The following CAPN8 variants were observed in gnomAD, a reference collection of about 807,000 sequenced individuals.
CAPN8 encodes calpain 8, also known as calpain-8.
A neutral mutation model predicts 80.9 loss-of-function variants in CAPN8; 87 were observed. The observed-to-expected ratio is 1.07, with a 90% confidence interval of 0.90 to 1.28. The LOEUF (loss-of-function observed/expected upper bound fraction) is 1.28. Ranked by LOEUF, CAPN8 falls within the 50% of genes most tolerant of loss-of-function variation. The probability of loss-of-function intolerance (pLI) is 0.00; values close to 1 mark genes in which losing one functional copy is unlikely to be tolerated. For synonymous variants in CAPN8, 299 were observed against 273.8 expected (o/e 1.09, Z -0.91); for missense variants, 757 against 702.0 (o/e 1.08, Z -0.89).
At chr1:223,542,596 G>C (rs1475209131) in intron 20 of CAPN8, among the ~76,000 whole-genome samples, 2 of 152,170 alleles carry the variant, frequency 1.3e-5, no homozygotes, top group Non-Finnish European at 2.9e-5. Flanking sequence ...CACACTTCCT[G>C]CTGTCCCCTC....
At chr1:223,650,561 T>C (rs866303434) in intron 2 of CAPN8, among the ~76,000 whole-genome samples, 1 of 152,202 alleles carries the variant, frequency 6.6e-6, no homozygotes, top group African/African-American at 2.4e-5. Context: ...TCCTGCCAGA[T>C]GGATCCTGTC....
In CAPN8 at chr1:223,543,138, C is replaced by T. The variant is rs1178951068; in HGVS notation, c.2058G>A (p.Lys686=). 6.4e-7 allele frequency: 1 copy of T among 1,551,562 alleles called. No individual in the cohort carries two copies. The highest frequency in any genetic ancestry group is 2.4e-5 in the East Asian group (1 of 40,930). ...FKLFSLLDED[K]DGMVQLSLAE... is the part of the protein sequence containing the mutation. ...CCAGAGAGAGCTGAACCATGCCATC[C>T]TTGTCTTCGTCCAGAAGGCTGAATA... Residue 686 remains lysine, a synonymous_variant, in exon 20 of 21, where the codon AAG becomes AAA. Coordinates refer to ENST00000366872, the MANE Select transcript of CAPN8 (RefSeq NM_001143962.2).
chr1:223,665,349 C>T, intron 1 of CAPN8, 61 bp downstream of exon 1: 1 of 1,368,948 alleles, frequency 7.3e-7, no homozygotes, highest in East Asian at 2.5e-5. Context: ...TCAGTTCCTC[C>T]TGATCAGATG....
At chr1:223,643,855 G>A (rs893479704) in intron 2 of CAPN8, among the ~76,000 whole-genome samples, 4 of 152,152 alleles carry the variant, frequency 2.6e-5, no homozygotes, top group Non-Finnish European at 4.4e-5. Context: ...CGGTAAACCC[G>A]TCCTAACCTG....
intron 2 of CAPN8, among the ~76,000 whole-genome samples, chr1:223,641,256 C>T (rs373294427): frequency 9.9e-4 from 150 of 152,100 alleles, no homozygotes; most frequent in African/African-American, 3.4e-3. Context: ...AAAGAGCTAG[C>T]GCAAAACTGC....
intron 1 of CAPN8, among the ~76,000 whole-genome samples, chr1:223,655,034 G>A (rs1658445702): frequency 6.6e-6 from 1 of 152,014 alleles, no homozygotes; most frequent in South Asian, 2.1e-4. Context: ...GTGTGTGGGT[G>A]TGTGGGTGTG....
At chr1:223,626,311 C>A (rs769572676) in intron 5 of CAPN8, among the ~76,000 whole-genome samples, 12 of 152,104 alleles carry the variant, frequency 7.9e-5, no homozygotes, top group Non-Finnish European at 1.2e-4. Flanking sequence ...TGCCCCATAC[C>A]ACCCCTCCAC....
At chr1:223,634,070 G>A (rs1265264036) in intron 2 of CAPN8, among the ~76,000 whole-genome samples, 1 of 152,210 alleles carries the variant, frequency 6.6e-6, no homozygotes, top group African/African-American at 2.4e-5. Context: ...GAATCCAGAA[G>A]CAGAGTAAAG....
intron 2 of CAPN8, among the ~76,000 whole-genome samples, chr1:223,638,490 C>G (rs528366052): frequency 6.6e-6 from 1 of 152,228 alleles, no homozygotes; most frequent in East Asian, 1.9e-4. Context: ...TCTGGAGTAT[C>G]TTGTTTAATG....
intron 11 of CAPN8, among the ~76,000 whole-genome samples, chr1:223,611,151 G>A (rs1453982181): frequency 6.6e-6 from 1 of 152,160 alleles, no homozygotes; most frequent in Non-Finnish European, 1.5e-5. Context: ...TTTCTGATGG[G>A]AACCACCATC....
Position 223,665,451 on chromosome 1 carries a change from C to T in CAPN8, c.196G>A (p.Gly66Ser), listed in dbSNP as rs1368452856. 9.0e-6 allele frequency: 14 copies of T among 1,552,122 alleles called. No individual in the cohort carries two copies. The highest frequency in any genetic ancestry group is 3.3e-4 in the Middle Eastern group (2 of 5,994). The change falls in exon 1 of 21, where the codon GGC (glycine) becomes AGC (serine). Residue 66 changes from glycine to serine, a missense_variant. Physicochemically the swap from Gly to Ser is moderately conservative, Grantham distance 56. Coordinates refer to ENST00000366872, the MANE Select transcript of CAPN8 (RefSeq NM_001143962.2). ...SALGYKDLGP[G>S]SPQTQGIIWK... ...ATGATGCCTTGAGTTTGCGGAGAGC[C>T]TGGTCCAAGATCCTTGTAGCCCAAA...
chr1:223,549,292 A>G (rs1656717994), intron 16 of CAPN8, 26 bp downstream of exon 16: 4 of 1,544,266 alleles, frequency 2.6e-6, no homozygotes, highest in Admixed American at 4.0e-5. Context: ...TAAAAAAAAA[A>G]AAATAATGCA....
At chr1:223,619,244 AG>A (rs1657301353) in intron 9 of CAPN8, 48 bp downstream of exon 9, 21 of 1,545,048 alleles carry the variant, frequency 1.4e-5, no homozygotes, top group Admixed American at 4.0e-5. Flanking sequence ...GACCCAGCTC[AG>A]GGAGGATAAG....
In CAPN8 at chr1:223,622,803, A is replaced by C. The variant is rs778417802; in HGVS notation, c.899+12T>G. ...GGAGAGATGACTGGAGAAGCGGGGG[A>C]AAAAAACCTACTCATCGCTCCAGGC... On this transcript the variant is annotated intron_variant, in intron 7 of 20. Transcript: ENST00000366872. 6.5e-7 allele frequency: 1 copy of C among 1,548,344 alleles called. No homozygotes were observed. Among genetic ancestry groups the C allele is most frequent in the Non-Finnish European group, 8.7e-7 (1 of 1,144,162 alleles).
intron 19 of CAPN8, 121 bp from the exon 20 acceptor site, chr1:223,543,287 C>A: frequency 8.5e-7 from 1 of 1,183,412 alleles, no homozygotes; most frequent in South Asian, 1.5e-5. Flanking sequence ...CCTACCACCC[C>A]CTCCCCTCCA....
chr1:223,622,402 T>C (rs1657425408), intron 7 of CAPN8, among the ~76,000 whole-genome samples: 1 of 152,158 alleles, frequency 6.6e-6, no homozygotes, highest in African/African-American at 2.4e-5. Flanking sequence ...TCAAATTTCA[T>C]TTTCTCAGCA....
intron 1 of CAPN8, among the ~76,000 whole-genome samples, chr1:223,656,785 G>A (rs1013888575): frequency 4.9e-5 from 7 of 143,528 alleles, no homozygotes; most frequent in Non-Finnish European, 1.1e-4. Context: ...CCGGGTTCAC[G>A]CCCTTCTCCT....
intron 2 of CAPN8, chr1:223,642,821 A>G: frequency 2.2e-6 from 1 of 456,256 alleles, no homozygotes; most frequent in Non-Finnish European, 4.4e-6. Flanking sequence ...GCCAATTCTC[A>G]TCCATCTCGT....
intron 20 of CAPN8, among the ~76,000 whole-genome samples, chr1:223,542,426 G>A (rs554589821): frequency 4.6e-5 from 7 of 152,250 alleles, no homozygotes; most frequent in African/African-American, 2.4e-5. Flanking sequence ...CTGGGCTACA[G>A]GAAAGAGGTC....
Sources: allele counts gnomAD v4.1 joint callset (sites outside exome capture counted in the v4.1 genomes callset), GRCh38; gene constraint gnomAD v4.1.1; transcripts MANE v1.5; gene names NCBI Gene and HGNC (gene_info 2026-07-23, HGNC 2026-07-21).